DPYD: variants seen among roughly 807,000 people sequenced by gnomAD.
DPYD encodes dihydropyrimidine dehydrogenase [NADP(+)].
Under a neutral mutation model 116.2 loss-of-function variants are expected in DPYD, and 109 were observed. The ratio of observed to expected loss-of-function variants is 0.94; its 90% CI spans 0.80 to 1.10. The LOEUF (loss-of-function observed/expected upper bound fraction) is 1.10, where lower values mean the gene tolerates loss of function less well. DPYD is among the 50% of genes least tolerant of loss of function. DPYD has a pLI of 0.00. For missense variants in DPYD, 1,302 were observed against 1,254.5 expected (o/e 1.04, Z -0.57); for synonymous variants, 440 against 432.0 (o/e 1.02, Z -0.23).
At chr1:97,221,563 T>TAAG (rs1366529826) in intron 19 of DPYD, among the ~76,000 whole-genome samples, 1 of 152,132 alleles carries the variant, frequency 6.6e-6, no homozygotes, top group Non-Finnish European at 1.5e-5. Context: ...TGCTATGGTC[T>TAAG]AAGAGCTCTC....
At chr1:97,413,798 A>G (rs1674143380) in intron 14 of DPYD, among the ~76,000 whole-genome samples, 1 of 151,136 alleles carries the variant, frequency 6.6e-6, no homozygotes, top group Non-Finnish European at 1.5e-5. Flanking sequence ...TCGTAATTAT[A>G]CCCCTAGATC....
At chr1:97,691,614 A>T in intron 7 of DPYD, 103 bp downstream of exon 7, 2 of 1,023,674 alleles carry the variant, frequency 2.0e-6, no homozygotes, top group South Asian at 1.4e-5. Context: ...TGTAGCTTTT[A>T]ATTGTTCTTT....
chr1:97,721,760 T>C (rs1662939209), intron 4 of DPYD, 89 bp from the exon 5 acceptor site: 2 of 1,263,808 alleles, frequency 1.6e-6, no homozygotes. Context: ...TTCTACTAGG[T>C]AATCAGATTG....
chr1:97,153,406 T>A (rs1033918643), intron 20 of DPYD, among the ~76,000 whole-genome samples: 1 of 152,028 alleles, frequency 6.6e-6, no homozygotes, highest in Non-Finnish European at 1.5e-5. Context: ...AACGTGTCTA[T>A]CCTATTCAAC....
rs1234888338 is a variant in DPYD at position 97,862,482 on chromosome 1, T to C, written c.150+20782A>G. On this transcript the variant is annotated intron_variant, in intron 2 of 22. Coordinates refer to ENST00000370192, the MANE Select transcript of DPYD (RefSeq NM_000110.4). The stretch of plus-strand genomic sequence containing the variant: ...CTACCCAAGTATGACAAAAGATACC[T>C]CTTTGGAGACTATCCAACCTAAATT... Among the ~76,000 whole-genome samples the C allele has an allele frequency of 2.0e-5, 3 of 151,812 alleles. No individual in the cohort carries two copies. In the East Asian group the frequency reaches 5.8e-4, roughly 29 times the overall value.
intron 3 of DPYD, among the ~76,000 whole-genome samples, chr1:97,752,116 C>T (rs1022222322): frequency 1.3e-5 from 2 of 151,760 alleles, no homozygotes; most frequent in Non-Finnish European, 2.9e-5. Flanking sequence ...ACAGTGATTG[C>T]CATTATTATA....
At chr1:97,081,717 C>CT (rs371355751) in intron 22 of DPYD, among the ~76,000 whole-genome samples, 2,521 of 136,428 alleles carry the variant, frequency 0.018, 59 homozygotes, top group African/African-American at 0.052. Context: ...CTTTTCTTTT[C>CT]TTTTTTTTTT....
intron 2 of DPYD, among the ~76,000 whole-genome samples, chr1:97,878,727 C>T (rs1571517278): frequency 1.3e-5 from 2 of 151,950 alleles, no homozygotes; most frequent in East Asian, 1.9e-4. Context: ...ACTGATTCAC[C>T]TAAAGGCAAA....
In DPYD at chr1:97,449,105, G is replaced by T. The variant is rs77433593; in HGVS notation, c.1905+954C>A. Among the ~76,000 whole-genome samples the T allele has an allele frequency of 7.0e-3, 1,070 of 152,010 alleles. 7 individuals are homozygous for T. The highest frequency in any genetic ancestry group is 0.029 in the East Asian group (149 of 5,170). On this transcript the variant is annotated intron_variant, in intron 14 of 22. Coordinates refer to ENST00000370192, the MANE Select transcript of DPYD (RefSeq NM_000110.4). ...AATCATGTGATTTCTATATTCCTTT[G>T]TAAGAATTTGCAATTTATCAGTTTG...
chr1:97,803,145 T>C (rs982117973), intron 3 of DPYD, among the ~76,000 whole-genome samples: 1 of 151,914 alleles, frequency 6.6e-6, no homozygotes, highest in Non-Finnish European at 1.5e-5. Flanking sequence ...ATATATGGTG[T>C]CTTTAAAATA....
intron 4 of DPYD, among the ~76,000 whole-genome samples, chr1:97,727,368 G>T (rs1663324269): frequency 6.6e-6 from 1 of 151,738 alleles, no homozygotes; most frequent in Admixed American, 6.6e-5. Flanking sequence ...ATTATTAGAA[G>T]ATATATTTGA....
At chr1:97,649,825 C>T (rs1658481685) in intron 8 of DPYD, among the ~76,000 whole-genome samples, 1 of 152,008 alleles carries the variant, frequency 6.6e-6, no homozygotes, top group African/African-American at 2.4e-5. Flanking sequence ...GAAACTGGGA[C>T]ACAGGCGAAA....
At chr1:97,318,613 C>T (rs1418888670) in intron 16 of DPYD, among the ~76,000 whole-genome samples, 1 of 151,828 alleles carries the variant, frequency 6.6e-6, no homozygotes, top group Non-Finnish European at 1.5e-5. Context: ...GAGACTTAGA[C>T]TCCCACACAT....
At chr1:97,725,519 G>A (rs1169428343) in intron 4 of DPYD, among the ~76,000 whole-genome samples, 2 of 151,438 alleles carry the variant, frequency 1.3e-5, no homozygotes, top group African/African-American at 2.4e-5. Context: ...TGAAGCTAGA[G>A]GACTAACACT....
At chr1:97,694,740 T>A (rs1175696372) in intron 6 of DPYD, among the ~76,000 whole-genome samples, 3 of 152,128 alleles carry the variant, frequency 2.0e-5, no homozygotes, top group Non-Finnish European at 4.4e-5. Flanking sequence ...TTAGACAATT[T>A]AAAAACCATT....
intron 16 of DPYD, among the ~76,000 whole-genome samples, chr1:97,336,901 A>G (rs1669314643): frequency 1.3e-5 from 2 of 152,196 alleles, no homozygotes; most frequent in Admixed American, 1.3e-4. Context: ...ATGGAAAAAT[A>G]CAATGTTAAA....
chr1:97,457,274 C>T (rs889791237), intron 13 of DPYD, among the ~76,000 whole-genome samples: 1 of 152,084 alleles, frequency 6.6e-6, no homozygotes, highest in Non-Finnish European at 1.5e-5. Context: ...CCAGTGCTCA[C>T]CCAACACCAA....
intron 19 of DPYD, among the ~76,000 whole-genome samples, chr1:97,215,834 C>T (rs567083628): frequency 2.8e-4 from 43 of 152,236 alleles, no homozygotes; most frequent in Middle Eastern, 3.4e-3. Flanking sequence ...CTGAAAGTGA[C>T]CTAAGCATTC....
chr1:97,791,999 CTA>C (rs1557965082), intron 3 of DPYD, among the ~76,000 whole-genome samples: 1 of 152,100 alleles, frequency 6.6e-6, no homozygotes, highest in Non-Finnish European at 1.5e-5. Flanking sequence ...CAAAAAAAAA[CTA>C]TATTTTTAAA....
Sources: allele counts gnomAD v4.1 joint callset (sites outside exome capture counted in the v4.1 genomes callset), GRCh38; gene constraint gnomAD v4.1.1; transcripts MANE v1.5; gene names NCBI Gene and HGNC (gene_info 2026-07-23, HGNC 2026-07-21).